STX6: variants seen among roughly 807,000 people sequenced by gnomAD.
The protein encoded by STX6 is syntaxin 6, also known as syntaxin-6.
STX6 carries 23 observed loss-of-function variants against 38.0 expected under a neutral mutation model. That is an observed-to-expected ratio of 0.60 (90% CI 0.43 to 0.86). The LOEUF is 0.86. Ranked by LOEUF, STX6 falls within the 40% of genes least tolerant of loss-of-function variation. STX6 has a pLI of 0.00. For missense variants in STX6, 274 were observed against 312.9 expected (o/e 0.88, Z 0.94); for synonymous variants, 123 against 107.5 (o/e 1.14, Z -0.89).
intron 1 of STX6, among the ~76,000 whole-genome samples, chr1:181,006,209 CCCG>C (rs1402988465): frequency 6.6e-6 from 1 of 151,840 alleles, no homozygotes; most frequent in Non-Finnish European, 1.5e-5. Context: ...ATTACAGGTG[CCCG>C]CCACCACGCC....
chr1:180,991,944 A>T (rs374007769), intron 4 of STX6, among the ~76,000 whole-genome samples: 2 of 147,342 alleles, frequency 1.4e-5, no homozygotes, highest in African/African-American at 4.9e-5. Flanking sequence ...TTAAATTTAT[A>T]TATATATATT....
intron 7 of STX6, among the ~76,000 whole-genome samples, chr1:180,979,641 T>A (rs746076373): frequency 6.6e-6 from 1 of 152,216 alleles, no homozygotes; most frequent in Non-Finnish European, 1.5e-5. Flanking sequence ...GGCAATGACT[T>A]TTTAGATGCA....
At chr1:180,984,624 G>T in intron 7 of STX6, 53 bp downstream of exon 7, 2 of 769,738 alleles carry the variant, frequency 2.6e-6, no homozygotes, top group Non-Finnish European at 4.5e-6. Flanking sequence ...ACACCCCCAA[G>T]ACAGAGTTCT....
intron 2 of STX6, among the ~76,000 whole-genome samples, chr1:181,004,522 AAGGACAG>A (rs1656169885): frequency 6.6e-6 from 1 of 152,196 alleles, no homozygotes; most frequent in African/African-American, 2.4e-5. Flanking sequence ...CAAACACCAA[AAGGACAG>A]AGTTCAGGAA....
At chr1:181,014,593 AATGAAAC>A (rs1656503151) in intron 1 of STX6, among the ~76,000 whole-genome samples, 1 of 152,134 alleles carries the variant, frequency 6.6e-6, no homozygotes, top group Non-Finnish European at 1.5e-5. Context: ...CCATTCTAGT[AATGAAAC>A]ATGAAAAATT....
At chr1:180,991,948 A>T (rs6700092) in intron 4 of STX6, among the ~76,000 whole-genome samples, 27 of 110,570 alleles carry the variant, frequency 2.4e-4, no homozygotes, top group African/African-American at 8.8e-4. Flanking sequence ...ATTTATATAT[A>T]TATATTTATA....
intron 3 of STX6, among the ~76,000 whole-genome samples, chr1:180,996,372 A>T (rs541816248): frequency 6.6e-6 from 1 of 152,332 alleles, no homozygotes; most frequent in South Asian, 2.1e-4. Context: ...CAGTGAACAG[A>T]CAATTCACAA....
In STX6 at chr1:181,002,713, G is replaced by A; in HGVS notation, c.206-13C>T. ...GCTTCAACTATGCGTAGGTCAAAAAGTCAAGGTAAAACAATTTCATCATCA... is the reference window on the plus strand; with the variant it reads ...GCTTCAACTATGCGTAGGTCAAAAAATCAAGGTAAAACAATTTCATCATCA... On this transcript the variant is annotated splice_polypyrimidine_tract_variant and intron_variant, in intron 2 of 7. Transcript: ENST00000258301. 1 of 1,583,208 alleles carries A rather than the reference G, an allele frequency of 6.3e-7. No homozygotes were observed.
At chr1:181,015,436 T>C (rs1298282635) in intron 1 of STX6, among the ~76,000 whole-genome samples, 2 of 152,124 alleles carry the variant, frequency 1.3e-5, no homozygotes, top group Admixed American at 6.5e-5. Context: ...AGAGTCATTT[T>C]TGACTCCTCC....
chr1:180,996,572 CA>C (rs1281481756), intron 3 of STX6, among the ~76,000 whole-genome samples: 1 of 151,548 alleles, frequency 6.6e-6, no homozygotes, highest in Non-Finnish European at 1.5e-5. Flanking sequence ...ACTTTGAAAA[CA>C]ATTTTTTTTT....
chr1:181,002,013 A>G (rs1263362897), intron 3 of STX6, among the ~76,000 whole-genome samples: 1 of 152,188 alleles, frequency 6.6e-6, no homozygotes, highest in East Asian at 1.9e-4. Flanking sequence ...CCCTGTCTCT[A>G]CAAAAAATTA....
At chr1:180,989,828 C>T (rs1655700060) in intron 5 of STX6, among the ~76,000 whole-genome samples, 156 bp downstream of exon 5, 1 of 152,106 alleles carries the variant, frequency 6.6e-6, no homozygotes, top group Admixed American at 6.5e-5. Context: ...GATTTTGAAA[C>T]CCTTTACATA....
intron 3 of STX6, among the ~76,000 whole-genome samples, chr1:180,994,675 T>G (rs1389547652): frequency 6.6e-6 from 1 of 151,770 alleles, no homozygotes; most frequent in Non-Finnish European, 1.5e-5. Flanking sequence ...GCCAGAAGAG[T>G]GCAGGGGGAA....
intron 6 of STX6, among the ~76,000 whole-genome samples, chr1:180,986,124 A>ACAGGCACATCAT (rs1161136142): frequency 6.6e-6 from 1 of 152,220 alleles, no homozygotes; most frequent in South Asian, 2.1e-4. Context: ...TGAAGACAAA[A>ACAGGCACATCAT]CAGGCACATC....
chr1:181,020,148 G>A (rs1012478926), intron 1 of STX6, among the ~76,000 whole-genome samples: 1 of 152,096 alleles, frequency 6.6e-6, no homozygotes, highest in East Asian at 1.9e-4. Flanking sequence ...CTGGGAGGCA[G>A]AGGTTGCAGT....
rs1217041836 is a variant in STX6, at chr1:180,973,725, A to G, written c.*2845T>C. On this transcript the variant is annotated 3_prime_UTR_variant, in exon 8 of 8. Transcript: ENST00000258301. ...CATTGTGATTCTTCACAGTCCGCAGAGACAAGACCAAAAATGAGGACTAAA... is the reference window on the plus strand; with the variant it reads ...CATTGTGATTCTTCACAGTCCGCAGGGACAAGACCAAAAATGAGGACTAAA... 1.3e-5 allele frequency: 2 copies of G among 152,654 alleles called. No homozygotes were observed. Among genetic ancestry groups the G allele is most frequent in the Non-Finnish European group, 2.9e-5 (2 of 68,046 alleles). 9.5% of individuals were successfully genotyped at this position (152,654 alleles called of 1,614,324 possible). A position where few individuals can be genotyped will look rare whatever the true frequency, so the allele number is the denominator to read the frequency against.
At chr1:180,977,388 T>A (rs1319043819) in intron 7 of STX6, among the ~76,000 whole-genome samples, 1 of 152,242 alleles carries the variant, frequency 6.6e-6, no homozygotes, top group East Asian at 1.9e-4. Flanking sequence ...GGAGCCCTGC[T>A]GCAGCTCACA....
chr1:180,984,594 A>T, intron 7 of STX6, 83 bp downstream of exon 7: 1 of 554,730 alleles, frequency 1.8e-6, no homozygotes, highest in Non-Finnish European at 3.3e-6. Context: ...AGGGATCTGG[A>T]TGGGCATAAC....
At position 180,990,106 on chromosome 1, in the gene STX6, G is replaced by C. The variant is rs201985084; in HGVS notation, c.367C>G (p.Leu123Val). Residue 123 changes from leucine to valine, a missense_variant, in exon 5 of 8, where the codon CTG becomes GTG. Transcript: ENST00000258301. ...TTCTGGCTGCCACTGTCTCCCAGCA[G>C]TGCCTGTGTGAGAAGAACAACCAGA... ...ALAERKNRQA[L>V]LGDSGSQNWS... 81 of 1,614,142 alleles carry C rather than the reference G, an allele frequency of 5.0e-5. No homozygotes were observed. The East Asian group carries it at 1.8e-3, about 36-fold the overall frequency.
Sources: gnomAD v4.1 joint callset for allele counts (sites outside exome capture counted in the v4.1 genomes callset) on GRCh38, gnomAD v4.1.1 for gene constraint, MANE v1.5 for transcripts, NCBI Gene and HGNC (gene_info 2026-07-23, HGNC 2026-07-21) for gene names.